ZC3H12B: variants seen among roughly 807,000 people sequenced by gnomAD.
ZC3H12B encodes zinc finger CCCH-type containing 12B.
Under a neutral mutation model 43.9 loss-of-function variants are expected in ZC3H12B, and 7 were observed. The observed-to-expected ratio is 0.16, with a 90% confidence interval of 0.09 to 0.30. ZC3H12B has a LOEUF of 0.30. ZC3H12B is among the 10% of genes least tolerant of loss of function. ZC3H12B has a pLI of 1.00. For synonymous variants in ZC3H12B, 222 were observed against 241.7 expected, an observed-to-expected ratio of 0.92 and a Z score of 0.76; for missense variants, 475 against 670.2, an observed-to-expected ratio of 0.71 and a Z score of 3.22.
chrX:65,318,297 T>C, the ZC3H12B span, among the ~76,000 whole-genome samples: 1 of 110,534 alleles, frequency 9.0e-6, no homozygotes, highest in East Asian at 2.9e-4. Context: ...CACTTTTTCA[T>C]ATATTTGCTG....
upstream of ZC3H12B, among the ~76,000 whole-genome samples, chrX:65,365,942 C>T (rs753421537): frequency 5.3e-4 from 58 of 109,757 alleles, no homozygotes; most frequent in Non-Finnish European, 8.5e-4. Context: ...CCTCCTGCAC[C>T]CAGGGGAAAT....
chrX:65,035,440 T>A, the ZC3H12B span, among the ~76,000 whole-genome samples: 2 of 112,215 alleles, frequency 1.8e-5, no homozygotes, highest in Non-Finnish European at 3.8e-5. Flanking sequence ...TAGCCACCAC[T>A]TTTTGGTCTC....
chrX:65,240,823 C>T, the ZC3H12B span, among the ~76,000 whole-genome samples: 1 of 112,030 alleles, frequency 8.9e-6, no homozygotes. Context: ...AAGCCACTTT[C>T]CTATAGGGCT....
the ZC3H12B span, among the ~76,000 whole-genome samples, chrX:65,311,671 G>C: frequency 2.7e-5 from 3 of 111,687 alleles, no homozygotes; most frequent in African/African-American, 6.5e-5. Context: ...TATAAATCAT[G>C]CTACTATAAA....
chrX:65,359,889 A>G, the ZC3H12B span, among the ~76,000 whole-genome samples: 3 of 112,233 alleles, frequency 2.7e-5, no homozygotes, highest in African/African-American at 9.7e-5. Context: ...GAGAAATGGT[A>G]TAAAAGAAAG....
chrX:65,057,920 G>C, the ZC3H12B span, among the ~76,000 whole-genome samples: 1 of 111,927 alleles, frequency 8.9e-6, no homozygotes, highest in Non-Finnish European at 1.9e-5. Flanking sequence ...TCGTGCCATG[G>C]TTTTCAGCTC....
chrX:65,321,346 A>G, the ZC3H12B span, among the ~76,000 whole-genome samples: 1 of 112,280 alleles, frequency 8.9e-6, no homozygotes, highest in South Asian at 3.7e-4. Flanking sequence ...CAAAACCACA[A>G]TGAGATACTG....
At chrX:65,278,433 A>T in the ZC3H12B span, among the ~76,000 whole-genome samples, 1 of 111,801 alleles carries the variant, frequency 8.9e-6, no homozygotes, top group Non-Finnish European at 1.9e-5. Flanking sequence ...TTAGCATAGA[A>T]TCAAGAAATA....
the ZC3H12B span, among the ~76,000 whole-genome samples, chrX:65,213,617 G>A: frequency 1.8e-5 from 2 of 110,651 alleles, no homozygotes; most frequent in Non-Finnish European, 3.8e-5. Flanking sequence ...CACCTTTCTA[G>A]TTTTTTCTAG....
At chrX:65,222,872 GA>G in the ZC3H12B span, among the ~76,000 whole-genome samples, 7 of 107,685 alleles carry the variant, frequency 6.5e-5, no homozygotes, top group African/African-American at 2.0e-4. Context: ...TACAGAACTA[GA>G]AAAAAAAATC....
the ZC3H12B span, among the ~76,000 whole-genome samples, chrX:65,264,864 A>T: frequency 9.0e-6 from 1 of 111,550 alleles, no homozygotes; most frequent in Non-Finnish European, 1.9e-5. Flanking sequence ...GTTTCTTCTC[A>T]TTCATATTAG....
the ZC3H12B span, among the ~76,000 whole-genome samples, chrX:65,283,548 A>G: frequency 9.0e-6 from 1 of 111,639 alleles, no homozygotes. Context: ...CTCTTTGCAG[A>G]TGACATGATT....
chrX:65,061,724 T>C, the ZC3H12B span, among the ~76,000 whole-genome samples: 1 of 112,394 alleles, frequency 8.9e-6, no homozygotes, highest in Non-Finnish European at 1.9e-5. Context: ...TCATTCTAGA[T>C]CCCTGAGGAA....
the ZC3H12B span, among the ~76,000 whole-genome samples, chrX:65,228,087 G>T: frequency 2.7e-5 from 3 of 111,474 alleles, no homozygotes; most frequent in African/African-American, 6.5e-5. Context: ...CCAAAAAAGA[G>T]AATTTTTGAC....
chrX:65,481,533 C>T (rs1357047255), intron 3 of ZC3H12B, among the ~76,000 whole-genome samples: 1 of 111,473 alleles, frequency 9.0e-6, no homozygotes, highest in Non-Finnish European at 1.9e-5. Flanking sequence ...TAAGACACCT[C>T]TTACCATTCC....
intron 3 of ZC3H12B, among the ~76,000 whole-genome samples, chrX:65,477,487 C>T (rs746126215): frequency 4.1e-4 from 46 of 111,572 alleles, no homozygotes; most frequent in Non-Finnish European, 7.7e-4. Flanking sequence ...TGATGGAAAA[C>T]TTTAATCTGC....
the ZC3H12B span, among the ~76,000 whole-genome samples, chrX:65,260,780 A>AAAAG: frequency 8.9e-6 from 1 of 111,990 alleles, no homozygotes; most frequent in South Asian, 3.6e-4. Context: ...TAATATACTG[A>AAAAG]AAAGAAATTC....
the ZC3H12B span, among the ~76,000 whole-genome samples, chrX:65,130,399 C>T: frequency 1.8e-5 from 2 of 111,053 alleles, no homozygotes; most frequent in Admixed American, 9.6e-5. Context: ...GGAAAGGCCT[C>T]TACCCATCCA....
chrX:65,362,620 C>T, upstream of ZC3H12B, among the ~76,000 whole-genome samples: 1 of 110,439 alleles, frequency 9.1e-6, no homozygotes, highest in Admixed American at 9.6e-5. Flanking sequence ...CTACTCCCTC[C>T]CTGGCAACCA....
Sources: allele counts gnomAD v4.1 joint callset (sites outside exome capture counted in the v4.1 genomes callset), GRCh38; gene constraint gnomAD v4.1.1; transcripts MANE v1.5; gene names NCBI Gene and HGNC (gene_info 2026-07-23, HGNC 2026-07-21).